CYP4Z1: variants seen among roughly 807,000 people sequenced by gnomAD.
CYP4Z1 encodes the protein cytochrome P450 4Z1.
A neutral mutation model predicts 54.2 loss-of-function variants in CYP4Z1; 41 were observed. The observed-to-expected ratio is 0.76, with a 90% CI of 0.59 to 0.98. The LOEUF is 0.98. CYP4Z1 is among the 50% of genes least tolerant of loss of function. The pLI is 0.00. For synonymous variants in CYP4Z1, 163 were observed against 206.2 expected (o/e 0.79, Z 1.79); for missense variants, 513 against 599.0 (o/e 0.86, Z 1.50).
chr1:47,083,505 C>T (rs554163489), intron 4 of CYP4Z1, among the ~76,000 whole-genome samples: 1 of 152,162 alleles, frequency 6.6e-6, no homozygotes, highest in Admixed American at 6.5e-5. Context: ...TGTTCAAGGT[C>T]ACAAGGCAGG....
chr1:47,058,329 C>T, the CYP4Z1 span, among the ~76,000 whole-genome samples: 5 of 152,212 alleles, frequency 3.3e-5, no homozygotes, highest in African/African-American at 9.6e-5. Flanking sequence ...TAAAGACCTT[C>T]AGGCTGAGGT....
chr1:47,090,468 A>G (rs2148533042), intron 6 of CYP4Z1, among the ~76,000 whole-genome samples: 1 of 152,394 alleles, frequency 6.6e-6, no homozygotes, highest in Non-Finnish European at 1.5e-5. Context: ...TGAAAAGTTT[A>G]CATAACATTT....
intron 9 of CYP4Z1, among the ~76,000 whole-genome samples, chr1:47,110,822 G>A (rs1440093151): frequency 6.6e-6 from 1 of 151,272 alleles, no homozygotes; most frequent in Non-Finnish European, 1.5e-5. Flanking sequence ...AGGCTTGGGA[G>A]AGTTAAATAA....
intron 9 of CYP4Z1, among the ~76,000 whole-genome samples, chr1:47,109,287 G>A (rs1287920751): frequency 1.3e-5 from 2 of 152,170 alleles, no homozygotes; most frequent in Admixed American, 6.5e-5. Context: ...AATTAAACAA[G>A]AAGAGAAATT....
intron 6 of CYP4Z1, among the ~76,000 whole-genome samples, chr1:47,087,785 T>G (rs543281817): frequency 2.6e-5 from 4 of 152,310 alleles, no homozygotes; most frequent in South Asian, 4.1e-4. Context: ...TTTTCAAATG[T>G]AATGCTTCCA....
Position 47,106,118 on chromosome 1 carries a change from T to C in CYP4Z1, c.1068-10T>C, listed in dbSNP as rs769369980. On this transcript the variant is annotated splice_polypyrimidine_tract_variant and intron_variant, in intron 8 of 11. Transcript: ENST00000334194. ...TCCTCCTTTTCCTTTCCTCCTGTGC[T>C]TCTACCCAGGGAACACCTGAGCCAG... 5.0e-6 allele frequency: 8 copies of C among 1,609,972 alleles called. No individual in the cohort carries two copies. The Admixed American group carries it at 1.4e-4, about 27-fold the overall frequency.
chr1:47,068,654 T>C lies in CYP4Z1; in HGVS notation c.210T>C (p.His70=), dbSNP rs1644468894. 2.5e-6 allele frequency: 4 copies of C among 1,614,050 alleles called. No homozygotes were observed. The South Asian group carries it at 4.4e-5, about 18-fold the overall frequency. The change falls in exon 2 of 12, where the codon CAT becomes CAC. Residue 70 remains histidine, a synonymous_variant. Transcript: ENST00000334194. The stretch of plus-strand genomic sequence containing the variant: ...CAGTAAAGGAGTTTGAGGTGTATCA[T>C]AAGCTGATGGAAAAATACCCATGTG... ...FYPVKEFEVY[H]KLMEKYPCAV...
chr1:47,064,112 TCA>T (rs1201518654), upstream of CYP4Z1, among the ~76,000 whole-genome samples: 1 of 142,406 alleles, frequency 7.0e-6, no homozygotes, highest in Non-Finnish European at 1.5e-5. Flanking sequence ...AGATAGAGTC[TCA>T]CTCTGTTGCC....
At chr1:47,117,095 T>C (rs1180075960) in intron 11 of CYP4Z1, among the ~76,000 whole-genome samples, 3 of 152,250 alleles carry the variant, frequency 2.0e-5, no homozygotes, top group East Asian at 3.9e-4. Flanking sequence ...CAGAGAGCAA[T>C]GTTGTTCTAA....
At chr1:47,067,760 G>A in intron 1 of CYP4Z1, 93 bp downstream of exon 1, 1 of 1,195,174 alleles carries the variant, frequency 8.4e-7, no homozygotes, top group Admixed American at 2.6e-5. Flanking sequence ...TATGTAATAT[G>A]CAAAATGCTT....
At chr1:47,061,166 C>T in the CYP4Z1 span, among the ~76,000 whole-genome samples, 1 of 152,024 alleles carries the variant, frequency 6.6e-6, no homozygotes, top group Non-Finnish European at 1.5e-5. Flanking sequence ...AAATCAACTC[C>T]AAAGCTAGCA....
At chr1:47,108,481 C>G (rs1304137948) in intron 9 of CYP4Z1, among the ~76,000 whole-genome samples, 1 of 152,036 alleles carries the variant, frequency 6.6e-6, no homozygotes, top group South Asian at 2.1e-4. Context: ...CACCTCTTCC[C>G]CTGTATTACC....
At chr1:47,065,542 A>C (rs1176714611), upstream of CYP4Z1, among the ~76,000 whole-genome samples, 1 of 152,168 alleles carries the variant, frequency 6.6e-6, no homozygotes, top group Non-Finnish European at 1.5e-5. Flanking sequence ...CAGTGCTAGG[A>C]GGAAAGTTTA....
At chr1:47,106,883 T>C (rs955601880) in intron 9 of CYP4Z1, among the ~76,000 whole-genome samples, 3 of 152,220 alleles carry the variant, frequency 2.0e-5, no homozygotes, top group African/African-American at 7.2e-5. Flanking sequence ...GCAAGATGGA[T>C]TGAAAGGCAA....
At chr1:47,087,092 T>C (rs1358176097) in intron 6 of CYP4Z1, among the ~76,000 whole-genome samples, 1 of 152,222 alleles carries the variant, frequency 6.6e-6, no homozygotes, top group Non-Finnish European at 1.5e-5. Context: ...TTTTGGTTAC[T>C]GTAGCCTTGT....
intron 4 of CYP4Z1, 101 bp downstream of exon 4, chr1:47,082,562 C>A: frequency 6.7e-7 from 1 of 1,502,200 alleles, no homozygotes; most frequent in Non-Finnish European, 8.9e-7. Flanking sequence ...ATGTTCACAG[C>A]AGTTTATATG....
intron 7 of CYP4Z1, among the ~76,000 whole-genome samples, chr1:47,098,186 T>C (rs140194735): frequency 2.0e-5 from 3 of 152,350 alleles, no homozygotes; most frequent in African/African-American, 7.2e-5. Context: ...GGAACAGCAT[T>C]GAATCTATAA....
At chr1:47,086,434 C>T (rs1644595277) in intron 6 of CYP4Z1, among the ~76,000 whole-genome samples, 1 of 152,212 alleles carries the variant, frequency 6.6e-6, no homozygotes, top group Non-Finnish European at 1.5e-5. Flanking sequence ...TTGCATTTCT[C>T]TGATGGCCAG....
intron 4 of CYP4Z1, among the ~76,000 whole-genome samples, chr1:47,083,507 C>T (rs1300288929): frequency 1.3e-5 from 2 of 152,188 alleles, no homozygotes; most frequent in Non-Finnish European, 2.9e-5. Flanking sequence ...TTCAAGGTCA[C>T]AAGGCAGGCC....
Sources: gnomAD v4.1 joint callset for allele counts (sites outside exome capture counted in the v4.1 genomes callset) on GRCh38, gnomAD v4.1.1 for gene constraint, MANE v1.5 for transcripts, NCBI Gene and HGNC (gene_info 2026-07-23, HGNC 2026-07-21) for gene names.